TTLL8: variants seen among roughly 807,000 people sequenced by gnomAD.
The protein encoded by TTLL8 is tubulin tyrosine ligase like 8.
A neutral mutation model predicts 77.8 loss-of-function variants in TTLL8; 65 were observed. The observed-to-expected ratio is 0.84, with a 90% CI of 0.68 to 1.03. The LOEUF is 1.03. Among genes scored for constraint, TTLL8 ranks in the 50% least tolerant of loss-of-function variants. The pLI is 0.00. For synonymous variants in TTLL8, 402 were observed against 422.8 expected, an observed-to-expected ratio of 0.95 and a Z score of 0.60; for missense variants, 910 against 1,004.5, an observed-to-expected ratio of 0.91 and a Z score of 1.27.
chr22:50,033,925 T>C (rs5771311), intron 9 of TTLL8, among the ~76,000 whole-genome samples: 12,786 of 152,124 alleles, frequency 0.084, 675 homozygotes, highest in East Asian at 0.25. Flanking sequence ...CCCAGCTACT[T>C]GGGAGGCTAA....
At chr22:50,057,408 GGC>G (rs2061480612), upstream of TTLL8, among the ~76,000 whole-genome samples, 1 of 99,638 alleles carries the variant, frequency 1.0e-5, no homozygotes, top group African/African-American at 4.9e-5. Context: ...GTCTGGGTTG[GGC>G]GGGAGGTCTG....
intron 6 of TTLL8, among the ~76,000 whole-genome samples, chr22:50,043,425 A>G: frequency 6.8e-6 from 1 of 146,744 alleles, no homozygotes; most frequent in African/African-American, 2.5e-5. Flanking sequence ...ATAGATAGAT[A>G]AACAGTGGTG....
chr22:50,043,340 C>G (rs569889727), intron 6 of TTLL8, among the ~76,000 whole-genome samples: 1 of 148,876 alleles, frequency 6.7e-6, no homozygotes, highest in Non-Finnish European at 1.5e-5. Context: ...GATAGATAAA[C>G]AGTGGTACCG....
Position 50,052,943 on chromosome 22 carries a change from G to A in TTLL8, c.51+1633C>T, listed in dbSNP as rs140134549. Among the ~76,000 whole-genome samples the A allele has an allele frequency of 7.9e-4, 120 of 152,244 alleles. 1 individual carries two copies. The East Asian group carries it at 9.4e-3, about 12-fold the overall frequency. On this transcript the variant is annotated intron_variant, in intron 1 of 13. Coordinates refer to ENST00000266182, the Ensembl canonical transcript of TTLL8. The stretch of plus-strand genomic sequence containing the variant: ...GTGGCTATAAACAGCTCACTCTGGC[G>A]GAGCACGGTGGGTCAAGTCAGTAAT...
intron 8 of TTLL8, among the ~76,000 whole-genome samples, chr22:50,036,837 A>AT (rs2061340183): frequency 6.6e-6 from 1 of 151,908 alleles, no homozygotes; most frequent in South Asian, 2.1e-4. Flanking sequence ...ACCTCGGGTG[A>AT]TCCCCCCGCC....
upstream of TTLL8, among the ~76,000 whole-genome samples, chr22:50,058,203 G>T (rs1199165402): frequency 1.3e-5 from 2 of 151,804 alleles, no homozygotes; most frequent in Admixed American, 1.3e-4. The surrounding 1 kb of genome is among the most constrained non-coding windows in gnomAD (Gnocchi z 4.2). Flanking sequence ...TCCTGGGGTT[G>T]CCTGGGACAA....
chr22:50,052,959 A>T (rs922939794), intron 1 of TTLL8, among the ~76,000 whole-genome samples: 1 of 152,188 alleles, frequency 6.6e-6, no homozygotes, highest in Non-Finnish European at 1.5e-5. Flanking sequence ...CGGTGGGTCA[A>T]GTCAGTAATC....
exon 12 of TTLL8, chr22:50,030,899 G>A (rs1422036574): frequency 7.6e-7 from 1 of 1,322,306 alleles, no homozygotes; most frequent in Non-Finnish European, 9.9e-7. Flanking sequence ...GGTCGGACCC[G>A]CTGAATGGGG....
chr22:50,046,576 A>AC (rs1344277965), intron 4 of TTLL8, among the ~76,000 whole-genome samples: 2 of 152,178 alleles, frequency 1.3e-5, no homozygotes. Flanking sequence ...CGCTGGCCTG[A>AC]CCCTGGGGTA....
chr22:50,033,552 G>A (rs985087892), intron 9 of TTLL8, 107 bp from the exon 11 acceptor site: 24 of 1,044,352 alleles, frequency 2.3e-5, no homozygotes, highest in Non-Finnish European at 2.8e-5. Flanking sequence ...ACCTGCACTG[G>A]CTTTGTCCAA....
intron 3 of TTLL8, among the ~76,000 whole-genome samples, chr22:50,047,757 C>T (rs1017208454): frequency 2.0e-5 from 3 of 152,208 alleles, no homozygotes; most frequent in African/African-American, 7.2e-5. Flanking sequence ...AGCTGGGGGC[C>T]TGTTGTTGGT....
upstream of TTLL8, among the ~76,000 whole-genome samples, chr22:50,054,781 G>A (rs2061462224): frequency 6.6e-6 from 1 of 152,240 alleles, no homozygotes; most frequent in East Asian, 1.9e-4. Context: ...CTCCAGGCTA[G>A]GCGCAGTCAC....
At position 50,034,288 on chromosome 22, in the gene TTLL8, CCTG is replaced by C. The variant is rs1158951903; in HGVS notation, c.1039+54_1039+56del. 28 of 1,322,522 alleles carry C rather than the reference CCTG, an allele frequency of 2.1e-5. No individual in the cohort carries two copies. Among genetic ancestry groups the C allele is most frequent in the Non-Finnish European group, 2.8e-5 (28 of 999,220 alleles). The allele number at this position is 1,322,522 out of a possible 1,614,324, so 81.9% of individuals were successfully genotyped here. ...CTGAAACTGTCCCTCACTCACGGCT[CCTG>C]GCATCAAGTGTGGCCGTTGGTGGCT... On this transcript the variant is annotated intron_variant, in intron 9 of 13. Coordinates refer to ENST00000266182, the Ensembl canonical transcript of TTLL8. The surrounding 1 kb of genome is among the most constrained non-coding windows in gnomAD (Gnocchi z 4.1).
At chr22:50,026,535 G>A (rs1052972560) in intron 12 of TTLL8, among the ~76,000 whole-genome samples, 1 of 152,222 alleles carries the variant, frequency 6.6e-6, no homozygotes, top group Non-Finnish European at 1.5e-5. Context: ...TCAGAGCGGA[G>A]GGTCAGACAT....
chr22:50,050,616 GGAAAA>G (rs2061439163), intron 1 of TTLL8, among the ~76,000 whole-genome samples: 1 of 151,890 alleles, frequency 6.6e-6, no homozygotes, highest in Non-Finnish European at 1.5e-5. Flanking sequence ...AAAAGTTGGG[GGAAAA>G]GAAAAGTAAG....
intron 3 of TTLL8, among the ~76,000 whole-genome samples, chr22:50,048,824 C>T (rs2061427722): frequency 6.6e-6 from 1 of 152,228 alleles, no homozygotes; most frequent in Non-Finnish European, 1.5e-5. Flanking sequence ...GTTGGGAGCC[C>T]CGGAGGGACT....
In TTLL8 at chr22:50,024,463, T is replaced by C. The variant is rs187685769; in HGVS notation, c.2203+5967A>G. 1.5e-4 allele frequency among the ~76,000 whole-genome samples: 23 copies of C among 152,256 alleles called. No individual in the cohort carries two copies. The East Asian group carries it at 4.2e-3, about 28-fold the overall frequency. ...AGACAGTGTGGTATTGACATAAGGA[T>C]AGGTAAATAGATTGTTGAAACAGCA... is the stretch of plus-strand genomic sequence containing the variant. On this transcript the variant is annotated intron_variant, in intron 12 of 13. Coordinates refer to ENST00000266182, the Ensembl canonical transcript of TTLL8.
chr22:50,019,726 GC>G (rs2061184219), intron 12 of TTLL8, among the ~76,000 whole-genome samples: 1 of 152,194 alleles, frequency 6.6e-6, no homozygotes, highest in African/African-American at 2.4e-5. Flanking sequence ...ATGCCGAGGA[GC>G]CCTTCTCGGA....
chr22:50,030,357 G>A, intron 12 of TTLL8, 73 bp downstream of exon 13: 4 of 1,203,398 alleles, frequency 3.3e-6, no homozygotes, highest in Non-Finnish European at 3.1e-6. Context: ...AGGATGCAGC[G>A]GCTGCTGGCG....
Sources: gnomAD v4.1 joint callset for allele counts (sites outside exome capture counted in the v4.1 genomes callset) on GRCh38, gnomAD v4.1.1 for gene constraint, Gnocchi (gnomAD v3.1) non-coding constraint, MANE v1.5 for transcripts, NCBI Gene and HGNC (gene_info 2026-07-23, HGNC 2026-07-21) for gene names.